The following CADM2 variants were observed in gnomAD, a reference collection of about 807,000 sequenced individuals.
The protein encoded by CADM2 is immunoglobulin superfamily member 4D.
In CADM2, 12 loss-of-function variants were observed where a neutral mutation model predicts 49.8. The ratio of observed to expected loss-of-function variants is 0.24; its 90% CI spans 0.15 to 0.39. CADM2 has a LOEUF of 0.39. CADM2 is among the 10% of genes least tolerant of loss of function. CADM2 has a pLI of 1.00. For synonymous variants in CADM2, 214 were observed against 175.4 expected, an observed-to-expected ratio of 1.22 and a Z score of -1.74; for missense variants, 378 against 492.3, an observed-to-expected ratio of 0.77 and a Z score of 2.20.
intron 8 of CADM2, among the ~76,000 whole-genome samples, chr3:86,009,691 T>C (rs1395097571): frequency 1.3e-5 from 2 of 151,902 alleles, no homozygotes; most frequent in African/African-American, 2.4e-5. Flanking sequence ...TAAAAATTAT[T>C]ATTTTTTTAT....
chr3:85,942,621 G>A (rs1204374329), intron 7 of CADM2, among the ~76,000 whole-genome samples: 1 of 151,638 alleles, frequency 6.6e-6, no homozygotes. Flanking sequence ...TACTGAGAAT[G>A]ATGATTTCCA....
chr3:85,691,873 G>A (rs2066398662), intron 1 of CADM2, among the ~76,000 whole-genome samples: 1 of 152,016 alleles, frequency 6.6e-6, no homozygotes, highest in Non-Finnish European at 1.5e-5. Context: ...ACTATTGCAA[G>A]GACAAAAAAC....
intron 1 of CADM2, among the ~76,000 whole-genome samples, chr3:85,299,235 T>C (rs1009410737): frequency 6.6e-6 from 1 of 152,134 alleles, no homozygotes; most frequent in African/African-American, 2.4e-5. Context: ...TAAATATAAA[T>C]GCCACATTAT....
intron 8 of CADM2, among the ~76,000 whole-genome samples, chr3:86,030,184 T>C (rs886926381): frequency 2.0e-5 from 3 of 151,830 alleles, no homozygotes; most frequent in Non-Finnish European, 4.4e-5. Flanking sequence ...AAAAGCAAAA[T>C]TAAGGTCATA....
chr3:85,295,942 A>G (rs2043952411), intron 1 of CADM2, among the ~76,000 whole-genome samples: 1 of 151,438 alleles, frequency 6.6e-6, no homozygotes, highest in African/African-American at 2.4e-5. Context: ...AAAAGAAAAA[A>G]AGAAGAAGAA....
intron 1 of CADM2, among the ~76,000 whole-genome samples, chr3:85,709,003 T>C (rs2067034390): frequency 6.6e-6 from 1 of 152,128 alleles, no homozygotes; most frequent in Admixed American, 6.6e-5. Flanking sequence ...CATGTAAAAT[T>C]ATCTCAGTAT....
chr3:84,984,654 A>G (rs1450152182), intron 1 of CADM2, among the ~76,000 whole-genome samples: 1 of 152,074 alleles, frequency 6.6e-6, no homozygotes, highest in East Asian at 1.9e-4. Context: ...AGCTCTCTAC[A>G]GGACCACTCT....
intron 1 of CADM2, among the ~76,000 whole-genome samples, chr3:85,014,993 A>G (rs1257637630): frequency 6.6e-6 from 1 of 152,128 alleles, no homozygotes; most frequent in Non-Finnish European, 1.5e-5. Context: ...AAGAAGGTTT[A>G]CAGTTTGATA....
At chr3:85,898,065 G>GTA (rs1342265370) in intron 5 of CADM2, among the ~76,000 whole-genome samples, 5 of 152,086 alleles carry the variant, frequency 3.3e-5, no homozygotes, top group African/African-American at 1.2e-4. Flanking sequence ...TTAAATGTGG[G>GTA]TATGTATATC....
chr3:85,260,798 A>T (rs925276655), intron 1 of CADM2, among the ~76,000 whole-genome samples: 6 of 152,142 alleles, frequency 3.9e-5, no homozygotes, highest in African/African-American at 1.4e-4. Flanking sequence ...AACTATTCAC[A>T]AATTATAGTT....
intron 1 of CADM2, among the ~76,000 whole-genome samples, chr3:85,580,708 T>C (rs2062769351): frequency 6.6e-6 from 1 of 152,106 alleles, no homozygotes; most frequent in African/African-American, 2.4e-5. Flanking sequence ...TTTCCTGATA[T>C]TATTTCATTA....
At chr3:85,561,601 A>G (rs1576806961) in intron 1 of CADM2, among the ~76,000 whole-genome samples, 1 of 152,200 alleles carries the variant, frequency 6.6e-6, no homozygotes, top group Admixed American at 6.6e-5. Context: ...GGACATTGAC[A>G]TATCTAAAGC....
chr3:85,897,241 CTTTTTTTTTTTTTTTTTTTT>C (rs752550127), intron 5 of CADM2, among the ~76,000 whole-genome samples: 39 of 45,922 alleles, frequency 8.5e-4, no homozygotes, highest in African/African-American at 2.1e-3. Flanking sequence ...TAACCTACAT[CTTTTTTTTTTTTTTTTTTTT>C]TTTTTTTTTT....
At chr3:85,997,990 T>TATG (rs1331770140) in intron 8 of CADM2, among the ~76,000 whole-genome samples, 1 of 152,160 alleles carries the variant, frequency 6.6e-6, no homozygotes, top group African/African-American at 2.4e-5. Flanking sequence ...GAACATGTAG[T>TATG]ATGATAAGCA....
intron 1 of CADM2, among the ~76,000 whole-genome samples, chr3:85,725,903 G>A (rs1222831348): frequency 4.6e-5 from 7 of 151,978 alleles, no homozygotes; most frequent in Non-Finnish European, 1.0e-4. Flanking sequence ...ATATTTTACA[G>A]CACAGATTCT....
intron 1 of CADM2, among the ~76,000 whole-genome samples, chr3:85,039,736 C>G (rs375948648): frequency 1.3e-5 from 2 of 152,150 alleles, no homozygotes; most frequent in Non-Finnish European, 2.9e-5. Context: ...TTGCCAGCAT[C>G]TAGTTAATTT....
At chr3:85,244,032 A>G (rs1361546034) in intron 1 of CADM2, among the ~76,000 whole-genome samples, 1 of 152,236 alleles carries the variant, frequency 6.6e-6, no homozygotes, top group East Asian at 1.9e-4. Flanking sequence ...ATTTTCAAAG[A>G]TTAGAAGTGA....
intron 2 of CADM2, among the ~76,000 whole-genome samples, chr3:85,796,986 T>G (rs796210744): frequency 3.3e-5 from 5 of 151,018 alleles, no homozygotes; most frequent in African/African-American, 1.2e-4. Context: ...TTCCAGCTAC[T>G]CGGGAGGCTG....
At chr3:85,901,974 T>C (rs548089440) in intron 5 of CADM2, among the ~76,000 whole-genome samples, 1 of 152,320 alleles carries the variant, frequency 6.6e-6, no homozygotes, top group East Asian at 1.9e-4. Context: ...TTCTTTATAA[T>C]TGCCAAATAA....
Sources: gnomAD v4.1 joint callset for allele counts (sites outside exome capture counted in the v4.1 genomes callset) on GRCh38, gnomAD v4.1.1 for gene constraint, MANE v1.5 for transcripts, NCBI Gene and HGNC (gene_info 2026-07-23, HGNC 2026-07-21) for gene names.